ASB5: variants seen among roughly 807,000 people sequenced by gnomAD.
The protein encoded by ASB5 is ankyrin repeat and SOCS box protein 5.
A neutral mutation model predicts 42.1 loss-of-function variants in ASB5; 45 were observed. The ratio of observed to expected loss-of-function variants is 1.07; its 90% CI spans 0.84 to 1.37. The LOEUF (loss-of-function observed/expected upper bound fraction) is 1.37. Ranked by LOEUF, ASB5 falls within the 40% of genes most tolerant of loss-of-function variation. The probability of loss-of-function intolerance (pLI) is 0.00; values close to 1 mark genes in which losing one functional copy is unlikely to be tolerated. For missense variants in ASB5, 402 were observed against 399.8 expected, an observed-to-expected ratio of 1.01 and a Z score of -0.05; for synonymous variants, 147 against 150.6, an observed-to-expected ratio of 0.98 and a Z score of 0.18.
chr4:176,227,189 T>A (rs1370675671), intron 1 of ASB5, among the ~76,000 whole-genome samples: 1 of 152,188 alleles, frequency 6.6e-6, no homozygotes, highest in African/African-American at 2.4e-5. Context: ...TAGTTGAGGA[T>A]GGAAATAATA....
intron 1 of ASB5, among the ~76,000 whole-genome samples, chr4:176,260,823 C>T (rs1754254268): frequency 6.6e-6 from 1 of 151,984 alleles, no homozygotes; most frequent in South Asian, 2.1e-4. Context: ...ATTACAGGCA[C>T]GTGCTGCAAC....
At chr4:176,229,565 A>G (rs1401503293) in intron 1 of ASB5, among the ~76,000 whole-genome samples, 1 of 152,154 alleles carries the variant, frequency 6.6e-6, no homozygotes, top group East Asian at 1.9e-4. Context: ...ATAAAGAAAC[A>G]TAAGTATCCA....
At chr4:176,265,889 C>T (rs1754346815) in intron 1 of ASB5, among the ~76,000 whole-genome samples, 1 of 151,812 alleles carries the variant, frequency 6.6e-6, no homozygotes, top group Non-Finnish European at 1.5e-5. Flanking sequence ...GGTAGTTATA[C>T]AAAAAAGCAA....
intron 1 of ASB5, among the ~76,000 whole-genome samples, chr4:176,225,583 C>CT (rs1362826001): frequency 4.4e-5 from 1 of 22,764 alleles, no homozygotes; most frequent in Non-Finnish European, 1.1e-4. Flanking sequence ...CTTACTGTGC[C>CT]TTTTTAAATT....
intron 5 of ASB5, among the ~76,000 whole-genome samples, chr4:176,220,281 G>T (rs886395384): frequency 6.6e-5 from 10 of 152,144 alleles, no homozygotes. Flanking sequence ...GAATGAAATA[G>T]TAGATGTAGA....
At chr4:176,267,840 G>T (rs1332952816) in intron 1 of ASB5, among the ~76,000 whole-genome samples, 1 of 152,066 alleles carries the variant, frequency 6.6e-6, no homozygotes, top group Non-Finnish European at 1.5e-5. Flanking sequence ...CACTAAAAAA[G>T]ATTTTCCACC....
At chr4:176,253,996 A>C (rs554486645) in intron 1 of ASB5, among the ~76,000 whole-genome samples, 64 of 152,358 alleles carry the variant, frequency 4.2e-4, no homozygotes, top group African/African-American at 1.5e-3. Flanking sequence ...AGAAGTTTAC[A>C]GATTCAGTGT....
intron 1 of ASB5, among the ~76,000 whole-genome samples, chr4:176,249,783 T>TG (rs1185160453): frequency 6.6e-6 from 1 of 152,000 alleles, no homozygotes; most frequent in Non-Finnish European, 1.5e-5. Flanking sequence ...GAAAGTGAGT[T>TG]GGCCGGGCGC....
At chr4:176,234,153 G>T (rs1188328841) in intron 1 of ASB5, among the ~76,000 whole-genome samples, 1 of 152,158 alleles carries the variant, frequency 6.6e-6, no homozygotes, top group African/African-American at 2.4e-5. Context: ...CCAGTAGTCT[G>T]TACTAAACAT....
Position 176,215,485 on chromosome 4 carries a change from G to T in ASB5, c.*115C>A. ...AAAATTGATATTTTACTGCTTCCCT[G>T]GGTGATCTCACACTCACTTTTATCC... is the stretch of plus-strand genomic sequence containing the variant. On this transcript the variant is annotated 3_prime_UTR_variant, in exon 7 of 7. Transcript: ENST00000296525. 9.4e-7 allele frequency: 1 copy of T among 1,058,994 alleles called. No individual in the cohort carries two copies. The highest frequency in any genetic ancestry group is 1.6e-5 in the African/African-American group (1 of 61,662). 65.6% of individuals were successfully genotyped at this position (1,058,994 alleles called of 1,614,324 possible).
chr4:176,220,667 A>T (rs1288678537), intron 5 of ASB5, among the ~76,000 whole-genome samples: 1 of 152,190 alleles, frequency 6.6e-6, no homozygotes, highest in Non-Finnish European at 1.5e-5. Context: ...GGAAAAGGGC[A>T]GTAAGTCTTT....
intron 1 of ASB5, among the ~76,000 whole-genome samples, chr4:176,233,173 C>A (rs1753594575): frequency 6.6e-6 from 1 of 152,180 alleles, no homozygotes; most frequent in Non-Finnish European, 1.5e-5. Context: ...TTTCATATAT[C>A]TTCCCCATCA....
At chr4:176,219,302 G>GATATATAAATATATATATTTGTATT (rs1176156931) in intron 5 of ASB5, among the ~76,000 whole-genome samples, 28 of 96,008 alleles carry the variant, frequency 2.9e-4, no homozygotes, top group African/African-American at 1.1e-3. Flanking sequence ...ATATTTGTAT[G>GATATATAAATATATATATTTGTATT]ATATATAAAT....
chr4:176,219,168 A>AATATATATTTGTATGACATATAAAT (rs1554042585), intron 5 of ASB5, among the ~76,000 whole-genome samples: 2 of 120,230 alleles, frequency 1.7e-5, no homozygotes, highest in East Asian at 4.7e-4. Context: ...ATGACATATA[A>AATATATATTTGTATGACATATAAAT]ATATATATTT....
intron 1 of ASB5, among the ~76,000 whole-genome samples, chr4:176,252,204 C>T (rs1384134568): frequency 6.6e-6 from 1 of 151,588 alleles, no homozygotes; most frequent in Non-Finnish European, 1.5e-5. Context: ...GACAATATGT[C>T]TGATTAAGAA....
intron 1 of ASB5, among the ~76,000 whole-genome samples, chr4:176,252,342 G>A (rs567784485): frequency 7.2e-5 from 11 of 152,256 alleles, no homozygotes; most frequent in South Asian, 2.1e-4. Context: ...ACATGCACCC[G>A]CAACATTCAG....
chr4:176,237,618 T>C (rs1753718263), intron 1 of ASB5: 1 of 968,580 alleles, frequency 1.0e-6, no homozygotes, highest in Admixed American at 6.2e-5. Flanking sequence ...GTAGGTGCAA[T>C]GTGGAGGATG....
chr4:176,247,473 T>C (rs1290666089), intron 1 of ASB5, among the ~76,000 whole-genome samples: 1 of 152,208 alleles, frequency 6.6e-6, no homozygotes, highest in Non-Finnish European at 1.5e-5. Flanking sequence ...TAGTGTAGTA[T>C]AGGTCCAGAG....
At chr4:176,272,318 C>T (rs1016834974), upstream of ASB5, among the ~76,000 whole-genome samples, 4 of 152,062 alleles carry the variant, frequency 2.6e-5, no homozygotes, top group Admixed American at 6.5e-5. Context: ...TGGCAAAAAT[C>T]GCAGTTATTT....
Sources: allele counts gnomAD v4.1 joint callset (sites outside exome capture counted in the v4.1 genomes callset), GRCh38; gene constraint gnomAD v4.1.1; transcripts MANE v1.5; gene names NCBI Gene and HGNC (gene_info 2026-07-23, HGNC 2026-07-21).